Variants in ANKRD31 observed in about 807,000 individuals in gnomAD.
ANKRD31 encodes the protein ankyrin repeat domain-containing protein 31.
A neutral mutation model predicts 186.0 loss-of-function variants in ANKRD31; 147 were observed. The observed-to-expected ratio is 0.79, with a 90% CI of 0.69 to 0.91. The LOEUF (loss-of-function observed/expected upper bound fraction) is 0.91. Ranked by LOEUF, ANKRD31 falls within the 40% of genes least tolerant of loss-of-function variation. ANKRD31 has a pLI of 0.00. For synonymous variants in ANKRD31, 673 were observed against 736.4 expected, an observed-to-expected ratio of 0.91 and a Z score of 1.39; for missense variants, 1,986 against 2,148.8, an observed-to-expected ratio of 0.92 and a Z score of 1.50.
At chr5:75,153,461 G>A (rs1348164367) in intron 12 of ANKRD31, among the ~76,000 whole-genome samples, 2 of 152,098 alleles carry the variant, frequency 1.3e-5, no homozygotes, top group Non-Finnish European at 2.9e-5. Context: ...GGTGACATTT[G>A]AACTAAGACT....
At chr5:75,097,062 A>T (rs1228609805) in intron 22 of ANKRD31, among the ~76,000 whole-genome samples, 2 of 152,238 alleles carry the variant, frequency 1.3e-5, no homozygotes, top group East Asian at 1.9e-4. Context: ...TCTATCATTG[A>T]TGGACATTTG....
intron 20 of ANKRD31, among the ~76,000 whole-genome samples, chr5:75,109,060 A>T (rs1447594594): frequency 6.6e-6 from 1 of 152,188 alleles, no homozygotes; most frequent in East Asian, 1.9e-4. Context: ...AATTGTCCTA[A>T]TATGTGTAAG....
rs1012214076 is a variant in ANKRD31, at chr5:75,080,642, G to C, written c.5576-3C>G. The C allele has an allele frequency of 3.9e-6, 6 of 1,525,622 alleles. No individual in the cohort carries two copies. Among genetic ancestry groups the C allele is most frequent in the Middle Eastern group, 1.7e-4 (1 of 5,940 alleles). The allele number at this position is 1,525,622 out of a possible 1,614,324, so 94.5% of individuals were successfully genotyped here. A position where few individuals can be genotyped will look rare whatever the true frequency, so the allele number is the denominator to read the frequency against. ...TGGGTCATCTAAACAAGCAACTTCT[G>C]AAAGTGAAACAAAACGTTAGTAATA... On this transcript the variant is annotated splice_region_variant and splice_polypyrimidine_tract_variant and intron_variant, in intron 24 of 25. Coordinates refer to ENST00000506364, the MANE Select transcript of ANKRD31 (RefSeq NM_001372053.1).
chr5:75,157,202 T>G (rs10462354), intron 11 of ANKRD31, among the ~76,000 whole-genome samples: 77,219 of 151,984 alleles, frequency 0.51, 22,675 homozygotes, highest in African/African-American at 0.82. Context: ...AGGCATTATT[T>G]GCAAGGGCTC....
chr5:75,138,986 G>A lies in ANKRD31; in HGVS notation c.3596-3C>T, dbSNP rs1750814169. 1 of 1,535,512 alleles carries A rather than the reference G, an allele frequency of 6.5e-7. No individual in the cohort carries two copies. The highest frequency in any genetic ancestry group is 8.7e-7 in the Non-Finnish European group (1 of 1,146,090). Reference sequence around the variant, plus strand: ...GTTGATCCTACCTGCTTTCATTCCTGTAAATTTGCCAAACAAGAGGTTTAT... The same window carrying A: ...GTTGATCCTACCTGCTTTCATTCCTATAAATTTGCCAAACAAGAGGTTTAT... On this transcript the variant is annotated splice_polypyrimidine_tract_variant and splice_region_variant and intron_variant, in intron 15 of 25. Transcript: ENST00000506364.
intron 5 of ANKRD31, among the ~76,000 whole-genome samples, chr5:75,205,015 AC>A (rs1299656046): frequency 2.0e-5 from 3 of 149,658 alleles, no homozygotes; most frequent in Non-Finnish European, 2.9e-5. Flanking sequence ...ATAGGCATGA[AC>A]CACCATAGCC....
intron 6 of ANKRD31, among the ~76,000 whole-genome samples, chr5:75,197,828 T>C (rs1452913657): frequency 1.3e-5 from 2 of 152,198 alleles, no homozygotes; most frequent in Non-Finnish European, 2.9e-5. Context: ...ATCAAATGAA[T>C]GGCATAAACT....
chr5:75,203,789 C>T (rs1426792900), intron 5 of ANKRD31, among the ~76,000 whole-genome samples: 1 of 152,068 alleles, frequency 6.6e-6, no homozygotes, highest in Non-Finnish European at 1.5e-5. Context: ...CTCATACACA[C>T]ACACAAAAAG....
At chr5:75,093,339 G>A (rs1294810266) in intron 22 of ANKRD31, among the ~76,000 whole-genome samples, 1 of 151,948 alleles carries the variant, frequency 6.6e-6, no homozygotes, top group Non-Finnish European at 1.5e-5. Context: ...AAAATTAGCT[G>A]AGCATGGTGG....
intron 2 of ANKRD31, among the ~76,000 whole-genome samples, chr5:75,228,435 A>C (rs1580600356): frequency 6.6e-6 from 1 of 152,204 alleles, no homozygotes; most frequent in South Asian, 2.1e-4. Flanking sequence ...AAATGAGTCT[A>C]AAAAATGATT....
chr5:75,218,803 T>C (rs977110046), intron 3 of ANKRD31, among the ~76,000 whole-genome samples: 3 of 152,176 alleles, frequency 2.0e-5, no homozygotes, highest in East Asian at 1.9e-4. Context: ...TTCAAATCAA[T>C]AAATGTGATT....
chr5:75,173,081 A>ACAT (rs1753477745), intron 10 of ANKRD31, among the ~76,000 whole-genome samples: 1 of 152,244 alleles, frequency 6.6e-6, no homozygotes, highest in South Asian at 2.1e-4. Context: ...AGCTGGTTCA[A>ACAT]CATATGCAAA....
chr5:75,187,149 T>TGTGTGTGTGTGTGTGTG (rs1561518092), intron 10 of ANKRD31, among the ~76,000 whole-genome samples: 5 of 148,628 alleles, frequency 3.4e-5, no homozygotes, highest in South Asian at 2.1e-4. Flanking sequence ...TGTGTGTGTG[T>TGTGTGTGTGTGTGTGTG]TTTGGGAGGT....
At chr5:75,187,005 G>A (rs1393843035) in intron 10 of ANKRD31, among the ~76,000 whole-genome samples, 1 of 148,622 alleles carries the variant, frequency 6.7e-6, no homozygotes. Flanking sequence ...GTGAGTGTGT[G>A]TGTGTATGAG....
chr5:75,100,792 C>T (rs1746789070), intron 22 of ANKRD31, among the ~76,000 whole-genome samples: 1 of 152,114 alleles, frequency 6.6e-6, no homozygotes, highest in Non-Finnish European at 1.5e-5. Context: ...CTTCCTCCAT[C>T]CCTTTATTTT....
intron 8 of ANKRD31, 94 bp from the exon 9 acceptor site, chr5:75,192,870 C>T: frequency 1.0e-6 from 1 of 994,574 alleles, no homozygotes; most frequent in South Asian, 1.6e-5. Flanking sequence ...ATTAAAACTC[C>T]AGGGTATTTT....
intron 3 of ANKRD31, among the ~76,000 whole-genome samples, chr5:75,215,619 T>C (rs535424781): frequency 2.0e-5 from 3 of 152,324 alleles, no homozygotes; most frequent in African/African-American, 7.2e-5. Context: ...AAAAAATTAA[T>C]ATGACATACA....
chr5:75,100,666 A>G (rs1746773219), intron 22 of ANKRD31, among the ~76,000 whole-genome samples: 1 of 151,944 alleles, frequency 6.6e-6, no homozygotes, highest in Non-Finnish European at 1.5e-5. Context: ...TGATCCCTTT[A>G]CCATTACGTA....
intron 23 of ANKRD31, among the ~76,000 whole-genome samples, chr5:75,086,042 T>C (rs1745457818): frequency 6.6e-6 from 1 of 152,180 alleles, no homozygotes; most frequent in Non-Finnish European, 1.5e-5. Flanking sequence ...TGAATGCCAT[T>C]TGTCAGTTCT....
Sources: allele counts gnomAD v4.1 joint callset (sites outside exome capture counted in the v4.1 genomes callset), GRCh38; gene constraint gnomAD v4.1.1; transcripts MANE v1.5; gene names NCBI Gene and HGNC (gene_info 2026-07-23, HGNC 2026-07-21).